Variants in ZNF487 observed in about 807,000 individuals in gnomAD.
ZNF487 encodes the protein zinc finger protein 487, also known as KRAB domain only 1.
A neutral mutation model predicts 3.0 loss-of-function variants in ZNF487; 4 were observed. The ratio of observed to expected loss-of-function variants is 1.35; its 90% CI spans 0.66 to 3.08. ZNF487 has a LOEUF of 3.08. ZNF487 is among the 30% of genes most tolerant of loss of function. The pLI, the probability that ZNF487 is intolerant of heterozygous loss-of-function variation, is 0.01. For synonymous variants in ZNF487, 55 were observed against 34.6 expected, an observed-to-expected ratio of 1.59 and a Z score of -2.06; for missense variants, 146 against 98.7, an observed-to-expected ratio of 1.48 and a Z score of -2.03.
At chr10:43,489,822 T>A in the ZNF487 span, among the ~76,000 whole-genome samples, 1 of 151,508 alleles carries the variant, frequency 6.6e-6, no homozygotes, top group Non-Finnish European at 1.5e-5. Context: ...AAATACTAAA[T>A]CCAATAGAAG....
At chr10:43,497,983 G>GAT in the ZNF487 span, among the ~76,000 whole-genome samples, 305 of 130,384 alleles carry the variant, frequency 2.3e-3, 1 homozygote, top group African/African-American at 4.6e-3. Context: ...AAAGAAAAAA[G>GAT]ATATATATAT....
At chr10:43,503,294 A>T in the ZNF487 span, among the ~76,000 whole-genome samples, 46 of 152,356 alleles carry the variant, frequency 3.0e-4, no homozygotes, top group African/African-American at 1.1e-3. Flanking sequence ...ATAGATATAT[A>T]GATAGAAAAA....
the ZNF487 span, among the ~76,000 whole-genome samples, chr10:43,512,002 C>T: frequency 1.3e-5 from 2 of 152,226 alleles, no homozygotes; most frequent in Admixed American, 1.3e-4. Context: ...AATATATAAT[C>T]GCACATGTGG....
chr10:43,461,798 A>G (rs1840440539), intron 1 of ZNF487, among the ~76,000 whole-genome samples: 1 of 152,182 alleles, frequency 6.6e-6, no homozygotes, highest in Non-Finnish European at 1.5e-5. Flanking sequence ...TTAAAATTAT[A>G]GATTTAATTT....
intron 1 of ZNF487, among the ~76,000 whole-genome samples, chr10:43,440,050 A>ATGT (rs1479300573): frequency 5.5e-5 from 3 of 54,976 alleles, no homozygotes; most frequent in Non-Finnish European, 1.1e-4. Flanking sequence ...TTATATATAT[A>ATGT]TATATTTTTT....
chr10:43,490,992 T>TC, the ZNF487 span, among the ~76,000 whole-genome samples: 39 of 143,846 alleles, frequency 2.7e-4, no homozygotes, highest in Non-Finnish European at 5.1e-4. Context: ...TCTTTTTTTT[T>TC]TTTTGAGACA....
chr10:43,463,781 TTTCA>T (rs1840531662), intron 1 of ZNF487, among the ~76,000 whole-genome samples: 1 of 151,526 alleles, frequency 6.6e-6, no homozygotes, highest in African/African-American at 2.4e-5. Flanking sequence ...TCTTGCCCTA[TTTCA>T]GACTTTTTTT....
chr10:43,511,981 G>A, the ZNF487 span, among the ~76,000 whole-genome samples: 110,485 of 152,070 alleles, frequency 0.73, 41,476 homozygotes, highest in East Asian at 0.93. Flanking sequence ...ATTGGCTACA[G>A]CCAATTAATC....
chr10:43,461,028 CAG>C (rs976145778), intron 1 of ZNF487, among the ~76,000 whole-genome samples: 2 of 148,014 alleles, frequency 1.4e-5, no homozygotes, highest in African/African-American at 5.0e-5. Context: ...TTTTTTGAGA[CAG>C]AGTTTCGCTC....
chr10:43,461,486 C>T (rs1305795595), intron 1 of ZNF487, among the ~76,000 whole-genome samples: 1 of 151,672 alleles, frequency 6.6e-6, no homozygotes. Context: ...TGCCTGGTTA[C>T]TTTTTTGTAT....
At chr10:43,468,836 A>C (rs1381721757) in intron 1 of ZNF487, among the ~76,000 whole-genome samples, 2 of 151,566 alleles carry the variant, frequency 1.3e-5, no homozygotes, top group Non-Finnish European at 2.9e-5. Flanking sequence ...AAAAATACAA[A>C]AAATTAGCTG....
the ZNF487 span, among the ~76,000 whole-genome samples, chr10:43,522,659 G>C: frequency 6.6e-6 from 1 of 152,098 alleles, no homozygotes; most frequent in South Asian, 2.1e-4. Context: ...ACTTGAACCT[G>C]GGAGGTGGAG....
chr10:43,479,602 G>A (rs1372351759), intron 3 of ZNF487, among the ~76,000 whole-genome samples: 1 of 152,050 alleles, frequency 6.6e-6, no homozygotes, highest in Admixed American at 6.6e-5. Flanking sequence ...GAAGCCTGGA[G>A]AAACCTTATT....
chr10:43,498,885 T>G, the ZNF487 span, among the ~76,000 whole-genome samples: 1 of 149,384 alleles, frequency 6.7e-6, no homozygotes, highest in Non-Finnish European at 1.5e-5. Flanking sequence ...GAGCTTGTAG[T>G]GAGCCGAGAT....
chr10:43,514,685 C>A, the ZNF487 span, among the ~76,000 whole-genome samples: 1 of 152,196 alleles, frequency 6.6e-6, no homozygotes, highest in South Asian at 2.1e-4. Flanking sequence ...TTGGCCCCTG[C>A]CACCTTGGGA....
the ZNF487 span, among the ~76,000 whole-genome samples, chr10:43,494,356 G>GT: frequency 6.6e-6 from 1 of 152,266 alleles, no homozygotes; most frequent in African/African-American, 2.4e-5. Flanking sequence ...TGTAAAAAAT[G>GT]TAACAACCAT....
chr10:43,468,415 C>CG (rs1840781013), intron 1 of ZNF487, among the ~76,000 whole-genome samples: 1 of 152,122 alleles, frequency 6.6e-6, no homozygotes, highest in Non-Finnish European at 1.5e-5. Context: ...TGCAGTGGCT[C>CG]ATTCCTGTAA....
At chr10:43,454,379 T>C (rs972234031) in intron 1 of ZNF487, 1 of 152,212 alleles carries the variant, frequency 6.6e-6, no homozygotes, top group Non-Finnish European at 1.5e-5. Context: ...AAAATACTTT[T>C]GAACAGTAAG....
At chr10:43,475,554 C>G in intron 1 of ZNF487, 167 bp from the exon 2 acceptor site, 2 of 591,278 alleles carry the variant, frequency 3.4e-6, no homozygotes, top group Non-Finnish European at 6.1e-6. Flanking sequence ...AGTCCTCATA[C>G]CAGGATTTCT....
Sources: allele counts gnomAD v4.1 joint callset (sites outside exome capture counted in the v4.1 genomes callset), GRCh38; gene constraint gnomAD v4.1.1; transcripts MANE v1.5; gene names NCBI Gene and HGNC (gene_info 2026-07-23, HGNC 2026-07-21).